The following PCLO variants were observed in gnomAD, a reference collection of about 807,000 sequenced individuals.
PCLO encodes the protein piccolo presynaptic cytomatrix protein.
Under a neutral mutation model 427.5 loss-of-function variants are expected in PCLO, and 82 were observed. The observed-to-expected ratio is 0.19, with a 90% CI of 0.16 to 0.23. PCLO has a LOEUF of 0.23. PCLO is among the 10% of genes least tolerant of loss of function. The probability of loss-of-function intolerance (pLI) is 1.00; values close to 1 mark genes in which losing one functional copy is unlikely to be tolerated. For synonymous variants in PCLO, 2,357 were observed against 2,155.4 expected, an observed-to-expected ratio of 1.09 and a Z score of -2.59; for missense variants, 6,239 against 6,115.9, an observed-to-expected ratio of 1.02 and a Z score of -0.67.
At chr7:83,068,494 G>A (rs1179222429) in intron 3 of PCLO, among the ~76,000 whole-genome samples, 1 of 151,956 alleles carries the variant, frequency 6.6e-6, no homozygotes. Flanking sequence ...TTCTTCCAAA[G>A]AAGACATACG....
At chr7:82,773,115 A>G (rs934247166) in intron 22 of PCLO, among the ~76,000 whole-genome samples, 1 of 152,182 alleles carries the variant, frequency 6.6e-6, no homozygotes, top group Admixed American at 6.5e-5. Flanking sequence ...AAGCATTTAT[A>G]TTGACTTTTG....
chr7:83,075,335 T>C (rs1329797286), intron 3 of PCLO, among the ~76,000 whole-genome samples: 1 of 152,176 alleles, frequency 6.6e-6, no homozygotes, highest in African/African-American at 2.4e-5. Context: ...AAGAGTATAG[T>C]TGGTCCATTT....
intron 3 of PCLO, among the ~76,000 whole-genome samples, chr7:83,061,133 A>G (rs1161871419): frequency 6.6e-6 from 1 of 152,208 alleles, no homozygotes; most frequent in Non-Finnish European, 1.5e-5. Context: ...GTTTAGGAAC[A>G]ACATAACTGA....
chr7:83,094,261 T>C (rs914089793), intron 3 of PCLO, among the ~76,000 whole-genome samples: 34 of 140,820 alleles, frequency 2.4e-4, no homozygotes, highest in Middle Eastern at 3.8e-3. Flanking sequence ...CAGGCTGGAG[T>C]GCAATAGTGC....
At chr7:82,912,242 T>C (rs1794340293) in intron 7 of PCLO, among the ~76,000 whole-genome samples, 1 of 151,998 alleles carries the variant, frequency 6.6e-6, no homozygotes, top group African/African-American at 2.4e-5. Flanking sequence ...AAATTTCTAA[T>C]ACTTAATGAG....
intron 13 of PCLO, among the ~76,000 whole-genome samples, chr7:82,842,821 A>T (rs1259869099): frequency 6.6e-6 from 1 of 152,154 alleles, no homozygotes; most frequent in African/African-American, 2.4e-5. Flanking sequence ...ATCATTAATC[A>T]TCAGAGAAAT....
intron 3 of PCLO, among the ~76,000 whole-genome samples, chr7:83,017,330 T>G (rs1788232764): frequency 6.6e-6 from 1 of 152,070 alleles, no homozygotes; most frequent in African/African-American, 2.4e-5. Flanking sequence ...TTAAAGAATT[T>G]TTTTTTGAAA....
intron 22 of PCLO, among the ~76,000 whole-genome samples, chr7:82,771,400 G>T (rs1162908232): frequency 6.6e-6 from 1 of 151,636 alleles, no homozygotes; most frequent in Non-Finnish European, 1.5e-5. Context: ...TGGTTTTCAA[G>T]TAAAAAAAAA....
In PCLO at chr7:82,915,231, T is replaced by C; in HGVS notation, c.12755A>G (p.Gln4252Arg). 1 of 1,613,372 alleles carries C rather than the reference T, an allele frequency of 6.2e-7. No individual in the cohort carries two copies. Among genetic ancestry groups the C allele is most frequent in the Non-Finnish European group, 8.5e-7 (1 of 1,179,670 alleles). ...TFGLRKNITD[Q>R]QKFMGSSLGT... ...AAGAGAAGATCCCATAAATTTTTGT[T>C]GGTCTGTAATATTTTTTCTGAGGCC... Residue 4252 changes from glutamine (Q) to arginine (R), a missense_variant, in exon 7 of 25, where the codon CAA becomes CGA. Physicochemically the swap from Gln to Arg is conservative, Grantham distance 43 (BLOSUM62 1). Around this residue, in one of 5 missense-constraint regions of PCLO, gnomAD observed 680 missense variants for 677.3 expected, o/e 1.00. Transcript: ENST00000333891.
At chr7:82,787,794 C>T (rs554688280) in intron 22 of PCLO, among the ~76,000 whole-genome samples, 1 of 152,152 alleles carries the variant, frequency 6.6e-6, no homozygotes, top group African/African-American at 2.4e-5. Context: ...TGAGGAATAA[C>T]ACAGCAGTCT....
chr7:82,920,264 A>G (rs922659714), intron 6 of PCLO, among the ~76,000 whole-genome samples: 1 of 151,828 alleles, frequency 6.6e-6, no homozygotes, highest in African/African-American at 2.4e-5. Flanking sequence ...GCATAAAGAA[A>G]GTTTATTATG....
chr7:83,124,521 G>A (rs1185729322), intron 3 of PCLO, among the ~76,000 whole-genome samples: 1 of 152,062 alleles, frequency 6.6e-6, no homozygotes, highest in Non-Finnish European at 1.5e-5. Context: ...ATAAATGTAG[G>A]TGAGGATCTG....
chr7:82,777,145 C>T (rs1288691337), intron 22 of PCLO, among the ~76,000 whole-genome samples: 1 of 151,982 alleles, frequency 6.6e-6, no homozygotes, highest in Non-Finnish European at 1.5e-5. Flanking sequence ...GCCTTAATCC[C>T]AATCACAACT....
At chr7:82,918,026 T>C (rs1287060053) in intron 6 of PCLO, among the ~76,000 whole-genome samples, 1 of 152,024 alleles carries the variant, frequency 6.6e-6, no homozygotes, top group African/African-American at 2.4e-5. Context: ...GTTCCCTTAA[T>C]AGACATCATA....
chr7:83,154,719 G>A, intron 2 of PCLO, 29 bp downstream of exon 2: 2 of 1,493,326 alleles, frequency 1.3e-6, no homozygotes, highest in Non-Finnish European at 1.9e-6. Flanking sequence ...TGGCTGAAGA[G>A]TATGGACTCA....
At chr7:82,862,587 A>AG (rs1491367841) in intron 10 of PCLO, among the ~76,000 whole-genome samples, 1,908 of 147,094 alleles carry the variant, frequency 0.013, 60 homozygotes, top group African/African-American at 0.046. Context: ...AAAAAAAAAA[A>AG]GAATTGGAAG....
chr7:82,950,410 G>C lies in PCLO; in HGVS notation c.10178C>G (p.Thr3393Ser), dbSNP rs760534092. The change falls in exon 6 of 25, where the codon ACT becomes AGT. Residue 3393 changes from threonine (T) to serine (S), a missense_variant. Coordinates refer to ENST00000333891, the MANE Select transcript of PCLO (RefSeq NM_033026.6). The part of the protein sequence containing the change: ...QYIAPPGILS[T>S]VSEIPLTDVV... Reference sequence around the variant, plus strand: ...ATCTGTTAGAGGTATTTCTGAAACAGTGCTCAGGATACCAGGTGGGGCAAT... The same window carrying C: ...ATCTGTTAGAGGTATTTCTGAAACACTGCTCAGGATACCAGGTGGGGCAAT... The C allele has an allele frequency of 2.3e-5, 37 of 1,613,584 alleles. No homozygotes were observed. The highest frequency in any genetic ancestry group is 1.1e-5 in the South Asian group (1 of 91,078).
intron 10 of PCLO, among the ~76,000 whole-genome samples, chr7:82,850,646 A>G (rs1792628710): frequency 1.3e-5 from 2 of 152,116 alleles, no homozygotes; most frequent in African/African-American, 4.8e-5. Flanking sequence ...TTAGTTAAAA[A>G]TCTTACAGGT....
rs73706722 is a variant in PCLO, at chr7:82,795,010, T to G, written c.15007+6508A>C. 2.9e-3 allele frequency among the ~76,000 whole-genome samples: 439 copies of G among 152,274 alleles called. 6 individuals are homozygous for G. The highest frequency in any genetic ancestry group is 0.01 in the African/African-American group (426 of 41,568). On this transcript the variant is annotated intron_variant, in intron 22 of 24. Coordinates refer to ENST00000333891, the MANE Select transcript of PCLO (RefSeq NM_033026.6). ...GAAGCCTTATGGCTTCTTATCTTGCTTAGGAAATTGCCCCTCATATTCCAC... is the reference window on the plus strand; with the variant it reads ...GAAGCCTTATGGCTTCTTATCTTGCGTAGGAAATTGCCCCTCATATTCCAC...
Sources: allele counts gnomAD v4.1 joint callset (sites outside exome capture counted in the v4.1 genomes callset), GRCh38; gene constraint gnomAD v4.1.1; regional missense constraint gnomAD v4.1.1; transcripts MANE v1.5; gene names NCBI Gene and HGNC (gene_info 2026-07-23, HGNC 2026-07-21).